The following WDR59 variants were observed in gnomAD, a reference collection of about 807,000 sequenced individuals.
WDR59 encodes the protein WD repeat domain 59, also known as GATOR2 complex protein WDR59.
In WDR59, 100 loss-of-function variants were observed where a neutral mutation model predicts 131.2. That is an observed-to-expected ratio of 0.76 (90% CI 0.65 to 0.90). The LOEUF (loss-of-function observed/expected upper bound fraction) is 0.90, where lower values mean the gene tolerates loss of function less well. Among genes scored for constraint, WDR59 ranks in the 40% least tolerant of loss-of-function variants. WDR59 has a pLI of 0.00. For missense variants in WDR59, 1,203 were observed against 1,262.2 expected (o/e 0.95, Z 0.71); for synonymous variants, 601 against 466.2 (o/e 1.29, Z -3.72).
At chr16:74,896,294 C>T (rs1281992390) in intron 18 of WDR59, among the ~76,000 whole-genome samples, 1 of 152,086 alleles carries the variant, frequency 6.6e-6, no homozygotes, top group African/African-American at 2.4e-5. Context: ...GAATTGAAGG[C>T]CTCAATGAAG....
At chr16:74,957,223 GGCACCCA>G (rs1264485353) in intron 2 of WDR59, among the ~76,000 whole-genome samples, 1 of 151,790 alleles carries the variant, frequency 6.6e-6, no homozygotes, top group African/African-American at 2.4e-5. Context: ...TGGGATTACA[GGCACCCA>G]CCATCACGCC....
intron 17 of WDR59, among the ~76,000 whole-genome samples, chr16:74,906,589 C>T (rs1364928308): frequency 6.6e-6 from 1 of 152,112 alleles, no homozygotes; most frequent in Non-Finnish European, 1.5e-5. Context: ...CAGGTTTGCT[C>T]ATAATGGCCG....
intron 8 of WDR59, among the ~76,000 whole-genome samples, chr16:74,927,683 A>AC (rs568799728): frequency 0.32 from 38,077 of 117,916 alleles, 6,018 homozygotes; most frequent in East Asian, 0.64. Flanking sequence ...CTCTTTAAAA[A>AC]ACACACACAC....
At chr16:74,968,015 G>C (rs900876729) in intron 1 of WDR59, among the ~76,000 whole-genome samples, 1 of 152,208 alleles carries the variant, frequency 6.6e-6, no homozygotes, top group South Asian at 2.1e-4. Context: ...GATGGAGCTC[G>C]GAAACATGCT....
rs1394203622 is a variant in WDR59 at position 74,956,391 on chromosome 16, T to C, written c.240+84A>G. ...TCCAAATGAGCAATGAGGACTGCAT[T>C]CTCTTCTCTACACAGGGCATAGATC... is the stretch of plus-strand genomic sequence containing the variant. On this transcript the variant is annotated intron_variant, in intron 3 of 25. Coordinates refer to ENST00000262144, the MANE Select transcript of WDR59 (RefSeq NM_030581.4). 3 of 1,508,800 alleles carry C rather than the reference T, an allele frequency of 2.0e-6. No individual in the cohort carries two copies. In the Admixed American group the frequency reaches 6.4e-5, roughly 32 times the overall value. The allele number at this position is 1,508,800 out of a possible 1,614,324, so 93.5% of individuals were successfully genotyped here.
chr16:74,926,024 C>T (rs916449621), intron 8 of WDR59, among the ~76,000 whole-genome samples: 3 of 148,722 alleles, frequency 2.0e-5, no homozygotes, highest in Non-Finnish European at 4.5e-5. Context: ...AAAAGTATAT[C>T]AGACTATATG....
At chr16:74,918,093 C>A in intron 10 of WDR59, 85 bp from the exon 11 acceptor site, 1 of 1,340,104 alleles carries the variant, frequency 7.5e-7, no homozygotes, top group Non-Finnish European at 1.1e-6. Context: ...GAGATTCATC[C>A]ATCCATTCAA....
chr16:74,904,060 C>T lies in WDR59; in HGVS notation c.1753G>A (p.Ala585Thr), dbSNP rs1965686322. The stretch of plus-strand genomic sequence containing the variant: ...GCCTCTGTGCGGATCTTCATGGGCG[C>T]GATCAAGCCAGTGTGATAAGCAGAC... The part of the protein sequence containing the change: ...ALSAYHTGLI[A>T]PMKIRTEAPG... The change falls in exon 18 of 26, where the codon GCG (alanine) becomes ACG (threonine). Residue 585 changes from alanine (A) to threonine (T), a missense_variant. Coordinates refer to ENST00000262144, the MANE Select transcript of WDR59 (RefSeq NM_030581.4). 1 of 1,613,226 alleles carries T rather than the reference C, an allele frequency of 6.2e-7. No individual in the cohort carries two copies. Among genetic ancestry groups the T allele is most frequent in the African/African-American group, 1.3e-5 (1 of 74,896 alleles).
chr16:74,903,499 A>AC (rs984296764), intron 18 of WDR59, among the ~76,000 whole-genome samples: 1 of 151,906 alleles, frequency 6.6e-6, no homozygotes, highest in African/African-American at 2.4e-5. Context: ...TATAAAAAAA[A>AC]AAACAAAAAA....
intron 3 of WDR59, among the ~76,000 whole-genome samples, chr16:74,954,579 T>C (rs2033187639): frequency 6.6e-6 from 1 of 152,154 alleles, no homozygotes. Flanking sequence ...ACTGTGGAAA[T>C]AGTTTGGTGG....
chr16:74,919,148 G>C (rs1333929351), intron 10 of WDR59, among the ~76,000 whole-genome samples: 1 of 151,914 alleles, frequency 6.6e-6, no homozygotes, highest in East Asian at 1.9e-4. Context: ...TTGCTTCCCC[G>C]ACTCCCTTGT....
chr16:74,877,092 T>C (rs1181788109), intron 25 of WDR59, among the ~76,000 whole-genome samples: 2 of 152,034 alleles, frequency 1.3e-5, no homozygotes, highest in African/African-American at 4.8e-5. Flanking sequence ...ATTGATGTGT[T>C]CTATTAGTTC....
At position 74,887,680 on chromosome 16, in the gene WDR59, A is replaced by G. The variant is rs201948681; in HGVS notation, c.2419+3T>C. 5.4e-4 allele frequency: 866 copies of G among 1,613,952 alleles called. 1 individual carries two copies. The highest frequency in any genetic ancestry group is 9.9e-4 in the Middle Eastern group (6 of 6,084). ...GCGTGGGCTAAGTCATTTCCATACA[A>G]ACCTATGTTCCAGCCGCCAGTGTTG... is the stretch of plus-strand genomic sequence containing the variant. On this transcript the variant is annotated splice_donor_region_variant and intron_variant, in intron 23 of 25. Transcript: ENST00000262144.
rs1472725407 is a variant in WDR59 at position 74,947,400 on chromosome 16, A to G, written c.445+1119T>C. 2.0e-5 allele frequency among the ~76,000 whole-genome samples: 3 copies of G among 152,160 alleles called. No homozygotes were observed. In the South Asian group the frequency reaches 6.2e-4, roughly 31 times the overall value. ...TCAAAAACAAAACAAAACAAAAAAA[A>G]TATGCAGATACAATCAGTGTAATCT... On this transcript the variant is annotated intron_variant, in intron 6 of 25. Coordinates refer to ENST00000262144, the MANE Select transcript of WDR59 (RefSeq NM_030581.4).
At chr16:74,981,615 T>C (rs1597831726) in intron 1 of WDR59, among the ~76,000 whole-genome samples, 1 of 1,004 alleles carries the variant, frequency 1.0e-3, no homozygotes, top group East Asian at 0.1. Flanking sequence ...TACATTTACA[T>C]ATATATATAT....
chr16:74,883,725 A>G (rs1416965784), intron 25 of WDR59, among the ~76,000 whole-genome samples: 3 of 151,984 alleles, frequency 2.0e-5, no homozygotes, highest in Admixed American at 2.0e-4. Context: ...AGCTCCAGGT[A>G]TTGGTTTCTC....
intron 25 of WDR59, among the ~76,000 whole-genome samples, chr16:74,877,469 T>A (rs1964272176): frequency 6.6e-6 from 1 of 152,232 alleles, no homozygotes; most frequent in East Asian, 1.9e-4. Context: ...TTGAATCACA[T>A]TAAACAAAAG....
At chr16:74,949,330 C>CAAAAAAAAAAA (rs550013099) in intron 5 of WDR59, among the ~76,000 whole-genome samples, 1 of 42,588 alleles carries the variant, frequency 2.3e-5, no homozygotes, top group Admixed American at 3.0e-4. Context: ...TACCTTGTCT[C>CAAAAAAAAAAA]AAAAAAAAAA....
At position 74,948,095 on chromosome 16, in the gene WDR59, G is replaced by T. The variant is rs547618203; in HGVS notation, c.445+424C>A. On this transcript the variant is annotated intron_variant, in intron 6 of 25. Coordinates refer to ENST00000262144, the MANE Select transcript of WDR59 (RefSeq NM_030581.4). ...CAGAAAAGAAAAAAATCACAAGGGG[G>T]ATGAAGGTGGAGGTGAAATGGTGGG... Among the ~76,000 whole-genome samples, 5 of 152,232 alleles carry T rather than the reference G, an allele frequency of 3.3e-5. No individual in the cohort carries two copies. In the South Asian group the frequency reaches 1.0e-3, roughly 32 times the overall value.
Sources: allele counts gnomAD v4.1 joint callset (sites outside exome capture counted in the v4.1 genomes callset), GRCh38; gene constraint gnomAD v4.1.1; transcripts MANE v1.5; gene names NCBI Gene and HGNC (gene_info 2026-07-23, HGNC 2026-07-21).